The following PRKG1 variants were observed in gnomAD, a reference collection of about 807,000 sequenced individuals.
PRKG1 encodes cGMP-dependent protein kinase 1.
PRKG1 carries 35 observed loss-of-function variants against 88.1 expected under a neutral mutation model. The observed-to-expected ratio is 0.40, with a 90% CI of 0.30 to 0.53. PRKG1 has a LOEUF of 0.53. Ranked by LOEUF, PRKG1 falls within the 20% of genes least tolerant of loss-of-function variation. The pLI is 0.59. For missense variants in PRKG1, 540 were observed against 839.8 expected (o/e 0.64, Z 4.41); for synonymous variants, 303 against 292.5 (o/e 1.04, Z -0.37).
At chr10:52,195,235 T>G (rs1187866136) in intron 9 of PRKG1, among the ~76,000 whole-genome samples, 24 of 112 alleles carry the variant, frequency 0.21, no homozygotes, top group Admixed American at 0.5. Flanking sequence ...CTGTTTTTGT[T>G]TTTTTTTTTC....
At chr10:51,224,608 C>T (rs1237749275) in intron 2 of PRKG1, among the ~76,000 whole-genome samples, 1 of 152,152 alleles carries the variant, frequency 6.6e-6, no homozygotes, top group East Asian at 1.9e-4. Flanking sequence ...TACAGTATAT[C>T]CTGTTGTAAC....
intron 7 of PRKG1, among the ~76,000 whole-genome samples, chr10:52,088,849 A>G (rs1157691266): frequency 1.3e-5 from 2 of 152,220 alleles, no homozygotes; most frequent in Non-Finnish European, 2.9e-5. Flanking sequence ...GTACCATCTG[A>G]AAACAAATAC....
intron 4 of PRKG1, among the ~76,000 whole-genome samples, chr10:51,811,922 A>C (rs1839467284): frequency 6.6e-6 from 1 of 152,164 alleles, no homozygotes; most frequent in African/African-American, 2.4e-5. Flanking sequence ...TTCTTGGAGA[A>C]CCACTTATCT....
chr10:51,942,172 T>C (rs1317286223), intron 5 of PRKG1, among the ~76,000 whole-genome samples: 1 of 151,964 alleles, frequency 6.6e-6, no homozygotes, highest in Non-Finnish European at 1.5e-5. Context: ...TATCTCATTG[T>C]GGTTTTGATT....
chr10:52,010,516 C>T (rs1191823170), intron 5 of PRKG1, among the ~76,000 whole-genome samples: 2 of 152,142 alleles, frequency 1.3e-5, no homozygotes, highest in African/African-American at 4.8e-5. Context: ...GTACTATACT[C>T]ATCATCTGGG....
chr10:51,266,426 C>T (rs988257671), intron 2 of PRKG1, among the ~76,000 whole-genome samples: 15 of 152,054 alleles, frequency 9.9e-5, no homozygotes, highest in African/African-American at 2.9e-4. Context: ...TCAGAATGGA[C>T]GGATGCTTCT....
At chr10:51,843,819 G>A (rs1840337506) in intron 4 of PRKG1, among the ~76,000 whole-genome samples, 1 of 152,062 alleles carries the variant, frequency 6.6e-6, no homozygotes, top group African/African-American at 2.4e-5. Context: ...TAGGTCCATG[G>A]AAGTCCCATA....
chr10:51,771,469 A>T (rs923505583), intron 3 of PRKG1, among the ~76,000 whole-genome samples: 1 of 152,130 alleles, frequency 6.6e-6, no homozygotes, highest in Non-Finnish European at 1.5e-5. Flanking sequence ...TTCATGTTTT[A>T]CTGACTGATT....
intron 2 of PRKG1, among the ~76,000 whole-genome samples, chr10:51,177,972 A>G (rs1046311071): frequency 3.3e-5 from 5 of 152,150 alleles, no homozygotes; most frequent in Non-Finnish European, 7.4e-5. Context: ...GTAATAAGCT[A>G]ACATTGCTAT....
intron 2 of PRKG1, among the ~76,000 whole-genome samples, chr10:51,292,143 C>G (rs1187109720): frequency 6.6e-6 from 1 of 152,086 alleles, no homozygotes; most frequent in Non-Finnish European, 1.5e-5. Context: ...AATCTAGAAC[C>G]ACAGCTAGCA....
chr10:52,179,397 T>C (rs897135774), intron 9 of PRKG1, among the ~76,000 whole-genome samples: 1 of 152,168 alleles, frequency 6.6e-6, no homozygotes, highest in Non-Finnish European at 1.5e-5. Context: ...CTACTTTTGG[T>C]ACTTTGACTA....
intron 4 of PRKG1, among the ~76,000 whole-genome samples, chr10:51,821,818 A>G (rs1033294795): frequency 1.3e-5 from 2 of 152,120 alleles, no homozygotes; most frequent in Admixed American, 6.6e-5. Flanking sequence ...GCATATGGTC[A>G]GTTGATCTTC....
chr10:51,258,441 A>G (rs1342233430), intron 2 of PRKG1, among the ~76,000 whole-genome samples: 3 of 152,224 alleles, frequency 2.0e-5, no homozygotes, highest in Non-Finnish European at 4.4e-5. Flanking sequence ...GACACATGTC[A>G]GTACCTAATG....
chr10:52,193,586 A>C (rs1398790423), intron 9 of PRKG1, among the ~76,000 whole-genome samples: 1 of 151,032 alleles, frequency 6.6e-6, no homozygotes, highest in Non-Finnish European at 1.5e-5. Context: ...CAAAAAAAAA[A>C]CTATTCCAAA....
At chr10:51,671,591 T>TCTC (rs1491222365) in intron 3 of PRKG1, among the ~76,000 whole-genome samples, 1 of 120,676 alleles carries the variant, frequency 8.3e-6, no homozygotes, top group African/African-American at 3.3e-5. Context: ...TCTCTCTCTC[T>TCTC]TTTTTTTTTT....
intron 3 of PRKG1, among the ~76,000 whole-genome samples, chr10:51,622,960 C>A (rs1839246129): frequency 6.6e-6 from 1 of 152,200 alleles, no homozygotes; most frequent in African/African-American, 2.4e-5. Flanking sequence ...GACAGAGTCA[C>A]ATGATTAGCT....
chr10:51,614,264 T>G (rs1414322258), intron 3 of PRKG1, among the ~76,000 whole-genome samples: 1 of 151,998 alleles, frequency 6.6e-6, no homozygotes, highest in Non-Finnish European at 1.5e-5. Flanking sequence ...TATTTTTTAC[T>G]GTTTTGCCTT....
chr10:51,633,708 T>C (rs1033174077), intron 3 of PRKG1, among the ~76,000 whole-genome samples: 2 of 152,068 alleles, frequency 1.3e-5, no homozygotes, highest in Admixed American at 6.6e-5. Flanking sequence ...ATTTGGGGAG[T>C]CAGAGCCGGC....
chr10:51,678,015 G>A (rs899972737), intron 3 of PRKG1, among the ~76,000 whole-genome samples: 3 of 152,140 alleles, frequency 2.0e-5, no homozygotes, highest in Admixed American at 6.6e-5. Flanking sequence ...GAAAAAAAGA[G>A]AATTAAAGAT....
Sources: gnomAD v4.1 joint callset for allele counts (sites outside exome capture counted in the v4.1 genomes callset) on GRCh38, gnomAD v4.1.1 for gene constraint, MANE v1.5 for transcripts, NCBI Gene and HGNC (gene_info 2026-07-23, HGNC 2026-07-21) for gene names.